Variants in LHFPL6 observed in about 807,000 individuals in gnomAD.
LHFPL6 encodes the protein LHFPL tetraspan subfamily member 6 protein.
Under a neutral mutation model 20.6 loss-of-function variants are expected in LHFPL6, and 9 were observed. The observed-to-expected ratio is 0.44, with a 90% CI of 0.26 to 0.76. The LOEUF is 0.76. Among genes scored for constraint, LHFPL6 ranks in the 30% least tolerant of loss-of-function variants. The pLI, the probability that LHFPL6 is intolerant of heterozygous loss-of-function variation, is 0.20. For missense variants in LHFPL6, 218 were observed against 253.5 expected (o/e 0.86, Z 0.95); for synonymous variants, 105 against 98.7 (o/e 1.06, Z -0.38).
intron 2 of LHFPL6, among the ~76,000 whole-genome samples, chr13:39,577,821 A>G (rs1296478766): frequency 6.7e-6 from 1 of 150,202 alleles, no homozygotes; most frequent in Non-Finnish European, 1.5e-5. Flanking sequence ...TTTTTTTTTT[A>G]GTAGAGACGG....
At chr13:39,545,721 A>G (rs993517114) in intron 2 of LHFPL6, among the ~76,000 whole-genome samples, 14 of 152,200 alleles carry the variant, frequency 9.2e-5, no homozygotes, top group African/African-American at 3.4e-4. Flanking sequence ...TACTTATAAT[A>G]TGTAATATAA....
intron 2 of LHFPL6, among the ~76,000 whole-genome samples, chr13:39,561,392 T>A (rs561395761): frequency 1.3e-5 from 2 of 152,172 alleles, no homozygotes; most frequent in African/African-American, 4.8e-5. Flanking sequence ...CCCCACAACT[T>A]AATGTGCATT....
intron 2 of LHFPL6, among the ~76,000 whole-genome samples, chr13:39,380,971 T>G (rs1012487850): frequency 2.0e-5 from 3 of 152,124 alleles, no homozygotes; most frequent in Admixed American, 2.0e-4. Context: ...GATTCTACAT[T>G]ATGGTGAGTT....
chr13:39,397,682 G>A (rs914506795), intron 2 of LHFPL6, among the ~76,000 whole-genome samples: 1 of 152,144 alleles, frequency 6.6e-6, no homozygotes, highest in African/African-American at 2.4e-5. Flanking sequence ...CTGTTATTCT[G>A]AAGCCAATGT....
chr13:39,377,328 G>A (rs1211382370), intron 3 of LHFPL6, among the ~76,000 whole-genome samples: 1 of 152,128 alleles, frequency 6.6e-6, no homozygotes, highest in South Asian at 2.1e-4. Context: ...TTGTTAATCT[G>A]CCTTTTATTA....
intron 2 of LHFPL6, among the ~76,000 whole-genome samples, chr13:39,436,566 G>T (rs552482916): frequency 9.2e-5 from 14 of 152,172 alleles, no homozygotes; most frequent in African/African-American, 3.4e-4. Flanking sequence ...CATAGCCCCT[G>T]TCCCGTCAAG....
At chr13:39,524,389 T>C (rs1313865741) in intron 2 of LHFPL6, among the ~76,000 whole-genome samples, 1 of 151,078 alleles carries the variant, frequency 6.6e-6, no homozygotes, top group African/African-American at 2.4e-5. Flanking sequence ...TCTAAGTGGG[T>C]CCATAAAAAC....
rs375757906 is a variant in LHFPL6 at position 39,352,349 on chromosome 13, C to T, written c.485-8295G>A. ...TCCAGAGCTGCTGTCTGCCTATGAA[C>T]CCTCAGAAGTTTGGCTGGTGCCACC... is the stretch of plus-strand genomic sequence containing the variant. On this transcript the variant is annotated intron_variant, in intron 3 of 3. Transcript: ENST00000379589. Among the ~76,000 whole-genome samples the T allele has an allele frequency of 1.7e-3, 259 of 152,326 alleles. 1 individual carries two copies. The highest frequency in any genetic ancestry group is 5.4e-3 in the South Asian group (26 of 4,828).
chr13:39,557,694 T>G (rs1871348621), intron 2 of LHFPL6, among the ~76,000 whole-genome samples: 1 of 152,226 alleles, frequency 6.6e-6, no homozygotes, highest in Non-Finnish European at 1.5e-5. Flanking sequence ...TATCTCATGT[T>G]GAGATGTGAT....
At position 39,388,407 on chromosome 13, in the gene LHFPL6, A is replaced by G. The variant is rs149814610; in HGVS notation, c.386-9881T>C. The stretch of plus-strand genomic sequence containing the variant: ...TATCTTCCTGGGGTCCTAGGCAATC[A>G]TTGGGAGAAAAAAAATAAAGTTGTT... On this transcript the variant is annotated intron_variant, in intron 2 of 3. Transcript: ENST00000379589. Among the ~76,000 whole-genome samples, 108 of 152,326 alleles carry G rather than the reference A, an allele frequency of 7.1e-4. No individual in the cohort carries two copies. The East Asian group carries it at 0.02, about 28-fold the overall frequency.
intron 2 of LHFPL6, among the ~76,000 whole-genome samples, chr13:39,522,431 A>G (rs779227374): frequency 1.1e-4 from 16 of 151,768 alleles, no homozygotes; most frequent in Non-Finnish European, 2.2e-4. Context: ...TTTAAACCCA[A>G]CTCTCCAATA....
At chr13:39,351,291 C>A (rs1346377817) in intron 3 of LHFPL6, among the ~76,000 whole-genome samples, 1 of 152,132 alleles carries the variant, frequency 6.6e-6, no homozygotes, top group Non-Finnish European at 1.5e-5. Context: ...TCATTTTTGT[C>A]TAGGATCCTT....
intron 2 of LHFPL6, among the ~76,000 whole-genome samples, chr13:39,478,253 T>C (rs1873132658): frequency 6.6e-6 from 1 of 152,100 alleles, no homozygotes; most frequent in South Asian, 2.1e-4. Context: ...TCTAAATAGA[T>C]ATTTTCAGAT....
intron 2 of LHFPL6, among the ~76,000 whole-genome samples, chr13:39,562,746 A>C (rs956205300): frequency 1.3e-5 from 2 of 151,378 alleles, no homozygotes; most frequent in African/African-American, 4.9e-5. Flanking sequence ...AGAGAAAAAC[A>C]TGAGGAACGG....
intron 2 of LHFPL6, among the ~76,000 whole-genome samples, chr13:39,549,283 C>T (rs1330577374): frequency 1.3e-5 from 2 of 152,052 alleles, no homozygotes; most frequent in Non-Finnish European, 2.9e-5. Flanking sequence ...TTGGAACAAT[C>T]GTACATCCAT....
At chr13:39,357,156 A>T (rs1869748064) in intron 3 of LHFPL6, among the ~76,000 whole-genome samples, 1 of 152,192 alleles carries the variant, frequency 6.6e-6, no homozygotes, top group Admixed American at 6.5e-5. Flanking sequence ...TGGGCAACAG[A>T]GCCACAGCCT....
chr13:39,564,155 T>G (rs971392426), intron 2 of LHFPL6, among the ~76,000 whole-genome samples: 2 of 152,172 alleles, frequency 1.3e-5, no homozygotes, highest in South Asian at 2.1e-4. Flanking sequence ...CAGCACAGAT[T>G]TGGCCAAATC....
chr13:39,498,359 C>T (rs746920070), intron 2 of LHFPL6, among the ~76,000 whole-genome samples: 8 of 152,190 alleles, frequency 5.3e-5, no homozygotes, highest in Non-Finnish European at 5.9e-5. Context: ...GAGGGTTGTG[C>T]TAAACCTGGC....
At chr13:39,480,904 G>A (rs969917031) in intron 2 of LHFPL6, among the ~76,000 whole-genome samples, 1 of 152,072 alleles carries the variant, frequency 6.6e-6, no homozygotes, top group Admixed American at 6.6e-5. Flanking sequence ...TTAACTAAAT[G>A]ATCATAAGAT....
Sources: allele counts gnomAD v4.1 joint callset (sites outside exome capture counted in the v4.1 genomes callset), GRCh38; gene constraint gnomAD v4.1.1; transcripts MANE v1.5; gene names NCBI Gene and HGNC (gene_info 2026-07-23, HGNC 2026-07-21).